The following EXTL3 variants were observed in gnomAD, a reference collection of about 807,000 sequenced individuals.
EXTL3 encodes exostosin-like 3.
EXTL3 carries 27 observed loss-of-function variants against 69.3 expected under a neutral mutation model. The observed-to-expected ratio is 0.39, with a 90% CI of 0.29 to 0.54. The LOEUF is 0.54. Among genes scored for constraint, EXTL3 ranks in the 20% least tolerant of loss-of-function variants. The probability of loss-of-function intolerance (pLI) is 0.69; values close to 1 mark genes in which losing one functional copy is unlikely to be tolerated. For synonymous variants in EXTL3, 511 were observed against 499.4 expected (o/e 1.02, Z -0.31); for missense variants, 1,003 against 1,231.8 (o/e 0.81, Z 2.78).
Position 28,751,043 on chromosome 8 carries a change from TG to T in EXTL3, c.*180del. 1.6e-6 allele frequency: 1 copy of T among 625,298 alleles called. No individual in the cohort carries two copies. 38.7% of individuals were successfully genotyped at this position (625,298 alleles called of 1,614,324 possible). A position where few individuals can be genotyped will look rare whatever the true frequency, so the allele number is the denominator to read the frequency against. On this transcript the variant is annotated 3_prime_UTR_variant, in exon 7 of 7. Coordinates refer to ENST00000220562, the MANE Select transcript of EXTL3 (RefSeq NM_001440.4). ...GCCTTTATCTTGAAGTCAGCCACAC[TG>T]GGCCTGGAGCCCTGGGCGGAGTCCC...
chr8:28,668,401 G>A (rs1325049603), intron 1 of EXTL3, among the ~76,000 whole-genome samples: 1 of 131,010 alleles, frequency 7.6e-6, no homozygotes, highest in African/African-American at 3.0e-5. Flanking sequence ...GTGCAATCTC[G>A]GCTCACTGCA....
At chr8:28,732,351 A>G (rs757851031) in intron 4 of EXTL3, among the ~76,000 whole-genome samples, 2 of 152,212 alleles carry the variant, frequency 1.3e-5, no homozygotes, top group Non-Finnish European at 2.9e-5. Flanking sequence ...ATGAAATCCA[A>G]GTATATGATT....
At chr8:28,636,255 C>G (rs1432435669) in intron 1 of EXTL3, among the ~76,000 whole-genome samples, 1 of 151,236 alleles carries the variant, frequency 6.6e-6, no homozygotes, top group Non-Finnish European at 1.5e-5. Context: ...TTGCCTGAAC[C>G]CAGGAGGCGG....
intron 2 of EXTL3, among the ~76,000 whole-genome samples, chr8:28,715,033 C>T (rs1040806534): frequency 2.0e-5 from 3 of 152,202 alleles, no homozygotes; most frequent in African/African-American, 7.2e-5. Context: ...CTGGGAAATA[C>T]ATTTTGTCTC....
intron 2 of EXTL3, among the ~76,000 whole-genome samples, chr8:28,713,981 A>C (rs1801087504): frequency 7.3e-6 from 1 of 136,846 alleles, no homozygotes; most frequent in South Asian, 2.2e-4. Flanking sequence ...ATCTCGGCTC[A>C]CTGCAACCTC....
intron 1 of EXTL3, among the ~76,000 whole-genome samples, chr8:28,689,549 T>G (rs561416640): frequency 6.6e-5 from 10 of 152,360 alleles, no homozygotes; most frequent in South Asian, 4.1e-4. Flanking sequence ...TAAGGCATTT[T>G]CCATCCCTAA....
chr8:28,692,948 T>C (rs1445618914), intron 1 of EXTL3, among the ~76,000 whole-genome samples: 1 of 152,204 alleles, frequency 6.6e-6, no homozygotes, highest in African/African-American at 2.4e-5. Context: ...TGTTGTGACA[T>C]GTTGCGTCTA....
At chr8:28,660,497 C>CAT (rs546456539) in intron 1 of EXTL3, among the ~76,000 whole-genome samples, 353 of 151,868 alleles carry the variant, frequency 2.3e-3, no homozygotes, top group Admixed American at 4.9e-3. Flanking sequence ...TACACACAGA[C>CAT]ATATATATAT....
At chr8:28,663,699 A>G (rs1031514674) in intron 1 of EXTL3, among the ~76,000 whole-genome samples, 1 of 151,952 alleles carries the variant, frequency 6.6e-6, no homozygotes, top group Non-Finnish European at 1.5e-5. Context: ...TGATCCGCCC[A>G]CCTCAGCCTC....
chr8:28,729,749 C>T (rs1056870042), intron 3 of EXTL3, among the ~76,000 whole-genome samples: 1 of 151,688 alleles, frequency 6.6e-6, no homozygotes, highest in African/African-American at 2.4e-5. Flanking sequence ...GCCTGTAATC[C>T]TTGCACTTTC....
At chr8:28,718,312 A>G in intron 3 of EXTL3, 105 bp downstream of exon 3, 1 of 1,103,514 alleles carries the variant, frequency 9.1e-7, no homozygotes, top group Non-Finnish European at 1.4e-6. Context: ...CTAGCAGAGG[A>G]GAATACATGC....
At chr8:28,620,738 T>G (rs1396353409), upstream of EXTL3, among the ~76,000 whole-genome samples, 1 of 152,202 alleles carries the variant, frequency 6.6e-6, no homozygotes. Flanking sequence ...TTTTAAGAGA[T>G]AGGGTCTCAC....
At chr8:28,706,247 A>G (rs1188178596) in intron 1 of EXTL3, among the ~76,000 whole-genome samples, 1 of 152,222 alleles carries the variant, frequency 6.6e-6, no homozygotes, top group African/African-American at 2.4e-5. Flanking sequence ...AGAAAGTGAA[A>G]TTGCTGAATC....
upstream of EXTL3, chr8:28,701,429 G>C (rs1424328277): frequency 1.3e-5 from 2 of 151,970 alleles, no homozygotes; most frequent in South Asian, 2.1e-4. Flanking sequence ...TGGCGAGCGC[G>C]CGCCCGCGTC....
chr8:28,625,936 GGATT>G (rs1387301350), intron 1 of EXTL3, among the ~76,000 whole-genome samples: 1 of 140,282 alleles, frequency 7.1e-6, no homozygotes, highest in Non-Finnish European at 1.5e-5. Context: ...CAAGGTGGGA[GGATT>G]GCTTGAACCC....
At chr8:28,720,144 A>G (rs1278733174) in intron 3 of EXTL3, among the ~76,000 whole-genome samples, 1 of 152,100 alleles carries the variant, frequency 6.6e-6, no homozygotes, top group Non-Finnish European at 1.5e-5. Context: ...GTTCTGGGGA[A>G]CAGTTGAAGT....
upstream of EXTL3, chr8:28,701,165 T>G (rs987493780): frequency 1.1e-4 from 16 of 152,334 alleles, no homozygotes; most frequent in African/African-American, 3.8e-4. Flanking sequence ...CCGGCGCCCC[T>G]GCGGAAGCGG....
At chr8:28,704,265 G>A (rs1447582691) in intron 1 of EXTL3, among the ~76,000 whole-genome samples, 1 of 152,206 alleles carries the variant, frequency 6.6e-6, no homozygotes, top group Non-Finnish European at 1.5e-5. Flanking sequence ...GTCTAGAAGT[G>A]GAGCCATAGG....
intron 1 of EXTL3, among the ~76,000 whole-genome samples, chr8:28,633,779 G>A (rs1806610619): frequency 6.6e-6 from 1 of 152,128 alleles, no homozygotes; most frequent in African/African-American, 2.4e-5. Context: ...CATCAGCACT[G>A]CATTAGTCTT....
Sources: allele counts gnomAD v4.1 joint callset (sites outside exome capture counted in the v4.1 genomes callset), GRCh38; gene constraint gnomAD v4.1.1; transcripts MANE v1.5; gene names NCBI Gene and HGNC (gene_info 2026-07-23, HGNC 2026-07-21).